GLRA3: variants seen among roughly 807,000 people sequenced by gnomAD.
GLRA3 encodes the protein glycine receptor alpha 3.
GLRA3 carries 44 observed loss-of-function variants against 60.4 expected under a neutral mutation model. The observed-to-expected ratio is 0.73, with a 90% CI of 0.57 to 0.94. The LOEUF is 0.94. Among genes scored for constraint, GLRA3 ranks in the 40% least tolerant of loss-of-function variants. GLRA3 has a pLI of 0.00. For synonymous variants in GLRA3, 223 were observed against 192.9 expected (o/e 1.16, Z -1.29); for missense variants, 508 against 564.6 (o/e 0.90, Z 1.02).
chr4:174,811,174 C>T (rs922297851), intron 1 of GLRA3, among the ~76,000 whole-genome samples: 11 of 145,776 alleles, frequency 7.5e-5, no homozygotes, highest in African/African-American at 2.8e-4. Context: ...GCACAAGGTA[C>T]TTCCCCGCCT....
chr4:174,674,556 T>C (rs1418173128), intron 7 of GLRA3, among the ~76,000 whole-genome samples: 1 of 152,132 alleles, frequency 6.6e-6, no homozygotes, highest in African/African-American at 2.4e-5. Context: ...TTCTTTGAGA[T>C]TTCATTCTCT....
Position 174,828,966 on chromosome 4 carries a change from G to A in GLRA3, c.-155C>T, listed in dbSNP as rs2111419893. On this transcript the variant is annotated 5_prime_UTR_variant, in exon 1 of 10. Transcript: ENST00000274093. ...CACCTTAGACAGCTCCCCGCAGTAT[G>A]CGGACCCCTTCTCAGCATTGAGCAG... 1.6e-6 allele frequency: 1 copy of A among 631,204 alleles called. No homozygotes were observed. Among genetic ancestry groups the A allele is most frequent in the East Asian group, 2.7e-5 (1 of 36,616 alleles). The allele number at this position is 631,204 out of a possible 1,614,324, so 39.1% of individuals were successfully genotyped here. A position where few individuals can be genotyped will look rare whatever the true frequency, so the allele number is the denominator to read the frequency against.
At chr4:174,815,916 G>T (rs997545442) in intron 1 of GLRA3, among the ~76,000 whole-genome samples, 1 of 152,142 alleles carries the variant, frequency 6.6e-6, no homozygotes, top group Non-Finnish European at 1.5e-5. Context: ...CAGCCAGCTT[G>T]AATTTCTCCT....
At position 174,707,505 on chromosome 4, in the gene GLRA3, A is replaced by T. The variant is rs140386241; in HGVS notation, c.574+7983T>A. ...CATCTGAAACTGCAATAGTAACAGA[A>T]TGATTGGCACTGTCACGGGGGGGAA... On this transcript the variant is annotated intron_variant, in intron 5 of 9. Transcript: ENST00000274093. Among the ~76,000 whole-genome samples the T allele has an allele frequency of 4.0e-3, 616 of 152,136 alleles. 13 individuals are homozygous for T. The highest frequency in any genetic ancestry group is 0.035 in the Admixed American group (540 of 15,276).
intron 2 of GLRA3, among the ~76,000 whole-genome samples, chr4:174,776,607 A>G (rs1016825596): frequency 3.9e-5 from 6 of 152,052 alleles, no homozygotes; most frequent in African/African-American, 1.4e-4. Flanking sequence ...CAATCAAACA[A>G]ATTAGAACAG....
intron 1 of GLRA3, among the ~76,000 whole-genome samples, chr4:174,791,438 T>C (rs1739341982): frequency 6.6e-6 from 1 of 152,210 alleles, no homozygotes; most frequent in South Asian, 2.1e-4. Flanking sequence ...TTTCTGTTCT[T>C]TGTGGTAATT....
At chr4:174,746,527 A>C (rs1250663546) in intron 3 of GLRA3, among the ~76,000 whole-genome samples, 1 of 152,166 alleles carries the variant, frequency 6.6e-6, no homozygotes, top group Non-Finnish European at 1.5e-5. Flanking sequence ...GGATTAAGAG[A>C]GGTTGGTTAT....
At chr4:174,649,389 A>G (rs1173391022) in intron 9 of GLRA3, among the ~76,000 whole-genome samples, 2 of 152,190 alleles carry the variant, frequency 1.3e-5, no homozygotes, top group Non-Finnish European at 2.9e-5. Context: ...GCCTTTAACC[A>G]AATGTATGAT....
chr4:174,700,688 A>C (rs550247991), intron 5 of GLRA3, among the ~76,000 whole-genome samples: 1 of 152,208 alleles, frequency 6.6e-6, no homozygotes, highest in Non-Finnish European at 1.5e-5. Flanking sequence ...AAAGTTATTG[A>C]AGGAAATTAA....
At chr4:174,790,390 T>A (rs199776496) in intron 1 of GLRA3, among the ~76,000 whole-genome samples, 6 of 151,696 alleles carry the variant, frequency 4.0e-5, no homozygotes, top group East Asian at 3.9e-4. Flanking sequence ...TATATTTTTT[T>A]AAAAAAACCT....
In GLRA3 at chr4:174,703,001, G is replaced by A. The variant is rs908206252; in HGVS notation, c.574+12487C>T. ...TGAATCTCCCTTACTCACGCCCAGT[G>A]CTAACACTTGGGCAAGGTTTTGCTT... is the stretch of plus-strand genomic sequence containing the variant. On this transcript the variant is annotated intron_variant, in intron 5 of 9. Coordinates refer to ENST00000274093, the MANE Select transcript of GLRA3 (RefSeq NM_006529.4). Among the ~76,000 whole-genome samples the A allele has an allele frequency of 8.5e-5, 13 of 152,280 alleles. No individual in the cohort carries two copies. In the East Asian group the frequency reaches 2.3e-3, roughly 27 times the overall value.
intron 1 of GLRA3, among the ~76,000 whole-genome samples, chr4:174,800,172 A>G (rs974642109): frequency 6.6e-6 from 1 of 152,028 alleles, no homozygotes; most frequent in African/African-American, 2.4e-5. Context: ...GCAGTATGGA[A>G]AGTTGATAAA....
At chr4:174,718,981 T>TTG in intron 4 of GLRA3, among the ~76,000 whole-genome samples, 1 of 148,200 alleles carries the variant, frequency 6.7e-6, no homozygotes, top group Admixed American at 6.7e-5. Context: ...TTTTTTTTTT[T>TTG]TGAGACGGAG....
intron 6 of GLRA3, among the ~76,000 whole-genome samples, chr4:174,681,293 T>C (rs763797490): frequency 3.3e-5 from 5 of 152,214 alleles, no homozygotes; most frequent in African/African-American, 1.2e-4. Context: ...CCCTAATTGA[T>C]GTTTATAACT....
At chr4:174,684,779 G>A (rs560560686) in intron 5 of GLRA3, among the ~76,000 whole-genome samples, 9 of 152,162 alleles carry the variant, frequency 5.9e-5, no homozygotes, top group East Asian at 1.9e-4. Context: ...AGGCCGAGGC[G>A]GGCCGATCAG....
intron 2 of GLRA3, among the ~76,000 whole-genome samples, chr4:174,773,616 G>T (rs6853830): frequency 0.73 from 111,773 of 152,078 alleles, 41,401 homozygotes; most frequent in East Asian, 1. Flanking sequence ...TTTTATTTTA[G>T]ATAAATGCAC....
chr4:174,774,718 A>G (rs1738525085), intron 2 of GLRA3, among the ~76,000 whole-genome samples: 1 of 152,210 alleles, frequency 6.6e-6, no homozygotes, highest in Non-Finnish European at 1.5e-5. Context: ...AAAGACAATG[A>G]GAAATGACAA....
At chr4:174,826,388 G>A (rs1348564395) in intron 1 of GLRA3, among the ~76,000 whole-genome samples, 1 of 152,170 alleles carries the variant, frequency 6.6e-6, no homozygotes, top group African/African-American at 2.4e-5. Context: ...AGTCAGGAGA[G>A]TGATTACCTT....
chr4:174,675,476 A>G (rs965279306), intron 7 of GLRA3, among the ~76,000 whole-genome samples: 1 of 152,064 alleles, frequency 6.6e-6, no homozygotes, highest in African/African-American at 2.4e-5. Flanking sequence ...TGTAGAAGCC[A>G]TAGATTCTCC....
Sources: gnomAD v4.1 joint callset for allele counts (sites outside exome capture counted in the v4.1 genomes callset) on GRCh38, gnomAD v4.1.1 for gene constraint, MANE v1.5 for transcripts, NCBI Gene and HGNC (gene_info 2026-07-23, HGNC 2026-07-21) for gene names.